The following LONP2 variants were observed in gnomAD, a reference collection of about 807,000 sequenced individuals.
LONP2 encodes lon protease homolog 2, peroxisomal.
A neutral mutation model predicts 85.6 loss-of-function variants in LONP2; 60 were observed. The observed-to-expected ratio is 0.70, with a 90% CI of 0.57 to 0.87. The LOEUF (loss-of-function observed/expected upper bound fraction) is 0.87, where lower values mean the gene tolerates loss of function less well. Ranked by LOEUF, LONP2 falls within the 40% of genes least tolerant of loss-of-function variation. The pLI, the probability that LONP2 is intolerant of heterozygous loss-of-function variation, is 0.00. For synonymous variants in LONP2, 395 were observed against 389.7 expected (o/e 1.01, Z -0.16); for missense variants, 860 against 1,063.5 (o/e 0.81, Z 2.66).
intron 3 of LONP2, among the ~76,000 whole-genome samples, chr16:48,257,701 T>G (rs1971788346): frequency 6.6e-6 from 1 of 152,224 alleles, no homozygotes; most frequent in Admixed American, 6.5e-5. Flanking sequence ...TCAGTTTATT[T>G]AATACTTAAA....
chr16:48,256,537 A>T, intron 2 of LONP2, 73 bp from the exon 3 acceptor site: 1 of 1,507,898 alleles, frequency 6.6e-7, no homozygotes, highest in Non-Finnish European at 9.2e-7. Flanking sequence ...TTAAACCTAG[A>T]TGGAAATCTG....
At chr16:48,260,354 T>C (rs1334831631) in intron 4 of LONP2, among the ~76,000 whole-genome samples, 1 of 152,210 alleles carries the variant, frequency 6.6e-6, no homozygotes, top group Non-Finnish European at 1.5e-5. Context: ...CCCAGCACTT[T>C]GGGAGGCCAA....
chr16:48,299,726 A>G lies in LONP2; in HGVS notation c.1599A>G (p.Gln533=). 1 of 1,614,064 alleles carries G rather than the reference A, an allele frequency of 6.2e-7. No homozygotes were observed. The highest frequency in any genetic ancestry group is 8.5e-7 in the Non-Finnish European group (1 of 1,179,928). ...HRHLIPKQLE[Q]HGLTPQQIQI... ...ACTTGATCCCCAAGCAGCTGGAACA[A>G]CATGGGCTGACTCCACAGCAGATTC... is the stretch of plus-strand genomic sequence containing the variant. Residue 533 remains glutamine (Q), a synonymous_variant, in exon 10 of 15, where the codon CAA becomes CAG. Coordinates refer to ENST00000285737, the MANE Select transcript of LONP2 (RefSeq NM_031490.5).
chr16:48,265,850 T>C (rs1262422610), intron 6 of LONP2, among the ~76,000 whole-genome samples: 1 of 152,208 alleles, frequency 6.6e-6, no homozygotes, highest in Non-Finnish European at 1.5e-5. Flanking sequence ...TCTACGAACA[T>C]GTAATATCTT....
In LONP2 at chr16:48,299,721, G is replaced by C; in HGVS notation, c.1594G>C (p.Glu532Gln). 6.2e-7 allele frequency: 1 copy of C among 1,614,046 alleles called. No individual in the cohort carries two copies. Among genetic ancestry groups the C allele is most frequent in the Non-Finnish European group, 8.5e-7 (1 of 1,179,948 alleles). The change falls in exon 10 of 15, where the codon GAA becomes CAA. Residue 532 changes from glutamate (E) to glutamine (Q), a missense_variant. Physicochemically the swap from Glu to Gln is conservative, Grantham distance 29. Transcript: ENST00000285737. ...AHRHLIPKQLEQHGLTPQQIQ... is the reference protein window; with the variant it reads ...AHRHLIPKQLQQHGLTPQQIQ... Reference sequence around the variant, plus strand: ...TAGGCACTTGATCCCCAAGCAGCTGGAACAACATGGGCTGACTCCACAGCA... The same window carrying C: ...TAGGCACTTGATCCCCAAGCAGCTGCAACAACATGGGCTGACTCCACAGCA...
chr16:48,297,099 C>T (rs1371840625), intron 9 of LONP2, among the ~76,000 whole-genome samples: 2 of 151,950 alleles, frequency 1.3e-5, no homozygotes. Flanking sequence ...CCTCCGCCTC[C>T]GAAGTTCAAG....
At chr16:48,361,509 G>A (rs766290179), downstream of LONP2, 1 of 1,520,446 alleles carries the variant, frequency 6.6e-7, no homozygotes, top group Non-Finnish European at 9.0e-7. Flanking sequence ...TAGGTTGGCA[G>A]ACAGATGGGT....
At position 48,356,201 on chromosome 16, in the gene LONP2, C is replaced by T. The variant is rs1310433112; in HGVS notation, c.*4399C>T. ...AGTGATGTCTACCACTGTGAGCTTC[C>T]AGTACTAGGTGATTGGTCTGCATTC... On this transcript the variant is annotated 3_prime_UTR_variant, in exon 15 of 15. Transcript: ENST00000285737. 2 of 152,168 alleles carry T rather than the reference C, an allele frequency of 1.3e-5. No individual in the cohort carries two copies. Among genetic ancestry groups the T allele is most frequent in the Non-Finnish European group, 2.9e-5 (2 of 68,064 alleles). 9.4% of individuals were successfully genotyped at this position (152,168 alleles called of 1,614,324 possible). A position where few individuals can be genotyped will look rare whatever the true frequency, so the allele number is the denominator to read the frequency against.
intron 14 of LONP2, 113 bp downstream of exon 14, chr16:48,348,403 ATATT>A (rs961016913): frequency 1.7e-6 from 1 of 577,886 alleles, no homozygotes; most frequent in Admixed American, 4.4e-5. Flanking sequence ...TTTTAAGTAT[ATATT>A]ATATTTTTAT....
At chr16:48,258,790 A>G (rs1462819167) in intron 4 of LONP2, 50 bp downstream of exon 4, 3 of 1,524,642 alleles carry the variant, frequency 2.0e-6, no homozygotes, top group Admixed American at 2.1e-5. Context: ...AATAAGGAGA[A>G]TAAAGAGAGG....
At chr16:48,277,877 A>C (rs1001088606) in intron 8 of LONP2, among the ~76,000 whole-genome samples, 1 of 149,464 alleles carries the variant, frequency 6.7e-6, no homozygotes, top group Non-Finnish European at 1.5e-5. Context: ...TAGCATGGCT[A>C]TCTTGCACTT....
chr16:48,279,136 GA>G (rs1006767060), intron 8 of LONP2, among the ~76,000 whole-genome samples: 3 of 151,902 alleles, frequency 2.0e-5, no homozygotes, highest in Admixed American at 6.6e-5. Flanking sequence ...AAAAGAAAAA[GA>G]AAAAAATTAC....
chr16:48,346,917 G>A (rs952730597), intron 12 of LONP2, among the ~76,000 whole-genome samples: 18 of 152,138 alleles, frequency 1.2e-4, no homozygotes, highest in Non-Finnish European at 1.8e-4. Context: ...TTGGGAGGCT[G>A]AGGCAGGCAG....
intron 8 of LONP2, among the ~76,000 whole-genome samples, chr16:48,294,844 G>A (rs527564225): frequency 1.3e-5 from 2 of 152,316 alleles, no homozygotes; most frequent in African/African-American, 4.8e-5. Flanking sequence ...TAGTTAAATT[G>A]TGGTTGGTGA....
chr16:48,361,339 G>GATGCC, downstream of LONP2: 1 of 417,442 alleles, frequency 2.4e-6, no homozygotes, highest in Non-Finnish European at 4.3e-6. Flanking sequence ...TAATACAAAA[G>GATGCC]ATGCCCATCT....
At chr16:48,343,527 G>A (rs777380194) in intron 12 of LONP2, among the ~76,000 whole-genome samples, 19 of 151,792 alleles carry the variant, frequency 1.3e-4, no homozygotes, top group Non-Finnish European at 2.4e-4. Flanking sequence ...TGAAACCCCC[G>A]TCTCTACTAA....
chr16:48,305,067 C>A (rs1331025513), intron 11 of LONP2, among the ~76,000 whole-genome samples: 1 of 152,150 alleles, frequency 6.6e-6, no homozygotes, highest in Non-Finnish European at 1.5e-5. Context: ...GTGGCCAGTA[C>A]AGTGCTTCAC....
intron 11 of LONP2, among the ~76,000 whole-genome samples, chr16:48,307,508 T>C (rs1452459978): frequency 6.6e-6 from 1 of 152,214 alleles, no homozygotes; most frequent in African/African-American, 2.4e-5. Flanking sequence ...AGATTTTTCC[T>C]CAAAAATTAT....
intron 12 of LONP2, among the ~76,000 whole-genome samples, chr16:48,343,035 C>T (rs554172767): frequency 1.3e-5 from 2 of 152,330 alleles, no homozygotes; most frequent in South Asian, 2.1e-4. Context: ...TCTCCTGTGA[C>T]ACCTGTGTCT....
Sources: allele counts gnomAD v4.1 joint callset (sites outside exome capture counted in the v4.1 genomes callset), GRCh38; gene constraint gnomAD v4.1.1; transcripts MANE v1.5; gene names NCBI Gene and HGNC (gene_info 2026-07-23, HGNC 2026-07-21).